DGKI: variants seen among roughly 807,000 people sequenced by gnomAD.
The protein encoded by DGKI is diacylglycerol kinase iota, also known as DAG kinase iota.
DGKI carries 55 observed loss-of-function variants against 147.5 expected under a neutral mutation model. That is an observed-to-expected ratio of 0.37 (90% confidence interval 0.30 to 0.47). The LOEUF (loss-of-function observed/expected upper bound fraction) is 0.47. Among genes scored for constraint, DGKI ranks in the 20% least tolerant of loss-of-function variants. The pLI, the probability that DGKI is intolerant of heterozygous loss-of-function variation, is 1.00. For synonymous variants in DGKI, 469 were observed against 477.1 expected (o/e 0.98, Z 0.22); for missense variants, 1,007 against 1,323.8 (o/e 0.76, Z 3.71).
At position 137,690,712 on chromosome 7, in the gene DGKI, T is replaced by C. The variant is rs1192723527; in HGVS notation, c.402-710A>G. 2.6e-5 allele frequency among the ~76,000 whole-genome samples: 4 copies of C among 151,896 alleles called. No homozygotes were observed. In the East Asian group the frequency reaches 5.8e-4, roughly 22 times the overall value. On this transcript the variant is annotated intron_variant, in intron 1 of 32. Coordinates refer to ENST00000614521, the MANE Select transcript of DGKI (RefSeq NM_001321708.2). Reference sequence around the variant, plus strand: ...AAAGGAGGGTATGAATTGGGAGAGGTTGAGATAGTCAGCCCTGATCTTGGT... The same window carrying C: ...AAAGGAGGGTATGAATTGGGAGAGGCTGAGATAGTCAGCCCTGATCTTGGT...
chr7:137,454,018 G>A lies in DGKI; in HGVS notation c.2735+9471C>T, dbSNP rs139521467. Among the ~76,000 whole-genome samples the A allele has an allele frequency of 3.8e-3, 579 of 151,920 alleles. 4 individuals are homozygous for A. The highest frequency in any genetic ancestry group is 0.012 in the African/African-American group (492 of 41,410). Reference sequence around the variant, plus strand: ...GTTGGGGAGATATTGGTCAAAGGACGTATAATTACAGTTCAGCAGACTAAG... The same window carrying A: ...GTTGGGGAGATATTGGTCAAAGGACATATAATTACAGTTCAGCAGACTAAG... On this transcript the variant is annotated intron_variant, in intron 27 of 32. Transcript: ENST00000614521.
intron 1 of DGKI, among the ~76,000 whole-genome samples, chr7:137,731,333 G>A (rs1052436470): frequency 9.9e-5 from 15 of 151,898 alleles, no homozygotes; most frequent in African/African-American, 3.4e-4. Flanking sequence ...CTCCTTCCAC[G>A]TAAACATAAG....
intron 28 of DGKI, among the ~76,000 whole-genome samples, chr7:137,423,904 AC>A (rs1812678223): frequency 6.6e-6 from 1 of 152,244 alleles, no homozygotes; most frequent in African/African-American, 2.4e-5. Context: ...GTTCTGGGAT[AC>A]ACGTGCAGAA....
intron 10 of DGKI, among the ~76,000 whole-genome samples, chr7:137,601,257 C>T (rs568109839): frequency 7.6e-4 from 115 of 150,374 alleles, no homozygotes; most frequent in Non-Finnish European, 1.3e-3. Context: ...GGTGAAAGAG[C>T]GAGACTCTGT....
intron 28 of DGKI, among the ~76,000 whole-genome samples, chr7:137,430,541 A>G (rs1392660504): frequency 1.3e-5 from 2 of 152,048 alleles, no homozygotes; most frequent in Non-Finnish European, 2.9e-5. Context: ...GTACCCTAAA[A>G]CTTAAAGTAT....
intron 1 of DGKI, among the ~76,000 whole-genome samples, chr7:137,836,359 C>T (rs111621307): frequency 2.6e-5 from 4 of 152,278 alleles, no homozygotes; most frequent in South Asian, 4.1e-4. Flanking sequence ...AACATACTGA[C>T]GAATTCTGAA....
At chr7:137,545,901 T>C in intron 20 of DGKI, 1 of 702,510 alleles carries the variant, frequency 1.4e-6, no homozygotes, top group Non-Finnish European at 2.6e-6. Flanking sequence ...TGTACTCACA[T>C]GGTGAAGGAG....
chr7:137,463,494 C>T lies in DGKI; in HGVS notation c.2730G>A (p.Val910=). Residue 910 remains valine (V), a synonymous_variant, in exon 27 of 33, where the codon GTG becomes GTA. Transcript: ENST00000614521. The part of the protein sequence containing the change: ...SDLKDLSHSR[V]LQSPVSSEDH... ...AACAGCAAGAGAACTCTTACTGTAG[C>T]ACGCGGGAGTGGCTGAGATCTTTCA... The T allele has an allele frequency of 6.2e-7, 1 of 1,613,894 alleles. No individual in the cohort carries two copies.
chr7:137,749,420 A>G (rs1319487193), intron 1 of DGKI, among the ~76,000 whole-genome samples: 1 of 152,172 alleles, frequency 6.6e-6, no homozygotes, highest in East Asian at 1.9e-4. Flanking sequence ...CTCAGGCATC[A>G]AAAAGCTTGT....
At chr7:137,840,370 T>C (rs1230135685) in intron 1 of DGKI, among the ~76,000 whole-genome samples, 2 of 152,214 alleles carry the variant, frequency 1.3e-5, no homozygotes, top group Non-Finnish European at 1.5e-5. Context: ...GGCTGGACAA[T>C]GGTCAGGACT....
At chr7:137,576,043 C>CTTTTT (rs1386281275) in intron 17 of DGKI, among the ~76,000 whole-genome samples, 2,343 of 135,012 alleles carry the variant, frequency 0.017, 103 homozygotes, top group African/African-American at 0.063. Flanking sequence ...TTTTCTTTTT[C>CTTTTT]TTTTTTTTTT....
At chr7:137,722,982 G>C (rs530564845) in intron 1 of DGKI, 4 of 560,332 alleles carry the variant, frequency 7.1e-6, no homozygotes, top group East Asian at 2.9e-5. Flanking sequence ...TGAGATAAAT[G>C]AATCTACTTC....
chr7:137,789,198 A>G (rs1796769743), intron 1 of DGKI, among the ~76,000 whole-genome samples: 1 of 152,198 alleles, frequency 6.6e-6, no homozygotes, highest in Non-Finnish European at 1.5e-5. Flanking sequence ...AATTTAATGG[A>G]GAGAGACATG....
At chr7:137,672,797 T>A (rs1822895396) in intron 3 of DGKI, among the ~76,000 whole-genome samples, 1 of 118,454 alleles carries the variant, frequency 8.4e-6, no homozygotes, top group African/African-American at 3.7e-5. Context: ...TTTTTTTTTT[T>A]GAGAGGGAGT....
intron 1 of DGKI, among the ~76,000 whole-genome samples, chr7:137,712,160 T>G (rs573211380): frequency 6.6e-6 from 1 of 152,286 alleles, no homozygotes; most frequent in African/African-American, 2.4e-5. Context: ...AGTGAAAAAT[T>G]TAAGCTTATT....
chr7:137,677,907 C>T (rs530667339), intron 3 of DGKI, among the ~76,000 whole-genome samples: 51 of 152,106 alleles, frequency 3.4e-4, no homozygotes, highest in Non-Finnish European at 5.7e-4. Context: ...TTGATATCTC[C>T]ACAATGCACT....
intron 28 of DGKI, among the ~76,000 whole-genome samples, chr7:137,420,780 A>G (rs1257488677): frequency 6.6e-6 from 1 of 152,178 alleles, no homozygotes; most frequent in East Asian, 1.9e-4. Flanking sequence ...GCACTTTGGG[A>G]GGCCGAGGCA....
intron 1 of DGKI, among the ~76,000 whole-genome samples, chr7:137,742,330 AG>A (rs1305008621): frequency 2.0e-5 from 3 of 152,174 alleles, no homozygotes; most frequent in Non-Finnish European, 4.4e-5. Flanking sequence ...AAAAAAATAA[AG>A]GAAGAAACAG....
chr7:137,638,533 CAT>C (rs1204068497), intron 6 of DGKI, among the ~76,000 whole-genome samples: 13 of 56,238 alleles, frequency 2.3e-4, no homozygotes, highest in East Asian at 2.0e-3. Context: ...TATACACACA[CAT>C]ATATGTATAT....
Sources: allele counts gnomAD v4.1 joint callset (sites outside exome capture counted in the v4.1 genomes callset), GRCh38; gene constraint gnomAD v4.1.1; transcripts MANE v1.5; gene names NCBI Gene and HGNC (gene_info 2026-07-23, HGNC 2026-07-21).